The following FREM3 variants were observed in gnomAD, a reference collection of about 807,000 sequenced individuals.
FREM3 encodes the protein FRAS1-related extracellular matrix protein 3.
In FREM3, 105 loss-of-function variants were observed where a neutral mutation model predicts 129.1. That is an observed-to-expected ratio of 0.81 (90% CI 0.69 to 0.96). FREM3 has a LOEUF of 0.96. FREM3 is among the 40% of genes least tolerant of loss of function. The pLI is 0.00. For missense variants in FREM3, 2,593 were observed against 2,666.3 expected (o/e 0.97, Z 0.61); for synonymous variants, 1,014 against 1,044.9 (o/e 0.97, Z 0.57).
chr4:143,624,360 A>G (rs1056149302), intron 3 of FREM3, 22 bp from the exon 4 acceptor site: 15 of 1,437,664 alleles, frequency 1.0e-5, no homozygotes, highest in Non-Finnish European at 1.4e-5. Context: ...TCAGAAAACT[A>G]TAAATATAAA....
At chr4:143,613,090 G>A (rs1299765120) in intron 5 of FREM3, among the ~76,000 whole-genome samples, 3 of 152,186 alleles carry the variant, frequency 2.0e-5, no homozygotes, top group Non-Finnish European at 2.9e-5. Flanking sequence ...GACTTCAGAT[G>A]TTTTGCTCGG....
At chr4:143,650,190 A>G (rs1005583392) in intron 2 of FREM3, among the ~76,000 whole-genome samples, 3 of 152,232 alleles carry the variant, frequency 2.0e-5, no homozygotes, top group African/African-American at 7.2e-5. Flanking sequence ...AAACAAAGGT[A>G]GTAGTGTAGA....
chr4:143,651,497 A>C (rs188585861), intron 2 of FREM3, among the ~76,000 whole-genome samples: 19 of 152,366 alleles, frequency 1.2e-4, no homozygotes, highest in Admixed American at 7.8e-4. Context: ...GGACATGGAA[A>C]TGCACACACG....
intron 2 of FREM3, among the ~76,000 whole-genome samples, chr4:143,667,218 T>C (rs1482516770): frequency 1.3e-5 from 2 of 152,130 alleles, no homozygotes; most frequent in Non-Finnish European, 2.9e-5. Flanking sequence ...TAACAGAAAA[T>C]TTAAATTCAA....
At position 143,697,059 on chromosome 4, in the gene FREM3, C is replaced by T. The variant is rs755932475; in HGVS notation, c.3617G>A (p.Gly1206Glu). The T allele has an allele frequency of 6.5e-7, 1 of 1,537,546 alleles. No individual in the cohort carries two copies. The highest frequency in any genetic ancestry group is 1.2e-5 in the South Asian group (1 of 84,048). Residue 1206 changes from glycine to glutamate, a missense_variant, in exon 1 of 8, where the codon GGG (glycine) becomes GAG (glutamate). Around this residue, in one of 2 missense-constraint regions of FREM3, gnomAD observed 2,276 missense variants for 2,267.2 expected, o/e 1.00. Coordinates refer to ENST00000329798, the MANE Select transcript of FREM3 (RefSeq NM_001168235.2). Reference protein sequence around the residue: ...LFAHEFKVLEGMSLVIDTQLL... With the variant: ...LFAHEFKVLEEMSLVIDTQLL... ...CTGGGTGTCTATGACCAGGCTCATC[C>T]CCTCTAGTACCTTAAACTCATGGGC...
intron 2 of FREM3, among the ~76,000 whole-genome samples, chr4:143,691,945 A>G (rs1740478566): frequency 6.6e-6 from 1 of 152,172 alleles, no homozygotes; most frequent in South Asian, 2.1e-4. Flanking sequence ...TTAGTAACTT[A>G]TGGTTCTTGA....
chr4:143,577,580 T>C lies in FREM3; in HGVS notation c.*31A>G, dbSNP rs1738061509. On this transcript the variant is annotated 3_prime_UTR_variant, in exon 8 of 8. Transcript: ENST00000329798. The stretch of plus-strand genomic sequence containing the variant: ...TTTCATTCTGTTGTTAGGAGACATA[T>C]CTTGGCTGTTTTTTTCCCTCTTAAA... 5.9e-6 allele frequency: 9 copies of C among 1,525,114 alleles called. No homozygotes were observed. In the East Asian group the frequency reaches 1.2e-4, roughly 21 times the overall value. 94.5% of individuals were successfully genotyped at this position (1,525,114 alleles called of 1,614,324 possible).
At chr4:143,650,279 T>C (rs916367758) in intron 2 of FREM3, among the ~76,000 whole-genome samples, 4 of 152,228 alleles carry the variant, frequency 2.6e-5, no homozygotes, top group Non-Finnish European at 4.4e-5. Flanking sequence ...TAGAAGGCAC[T>C]GTAAAAGCAG....
intron 6 of FREM3, among the ~76,000 whole-genome samples, chr4:143,610,019 T>G (rs1401889056): frequency 6.6e-6 from 1 of 152,176 alleles, no homozygotes; most frequent in Non-Finnish European, 1.5e-5. Flanking sequence ...ACTCAAATTA[T>G]TTTAAGAAAA....
chr4:143,627,623 A>T lies in FREM3; in HGVS notation c.5413T>A (p.Ser1805Thr). Reference sequence around the variant, plus strand: ...ATCCAAAGTTACTTACTGATAAATGATGTTTCTCCAAGGTATCCTCTGCGT... The same window carrying T: ...ATCCAAAGTTACTTACTGATAAATGTTGTTTCTCCAAGGTATCCTCTGCGT... ...LTRRGYLGET[S>T]FISIGTKDET... is the part of the protein sequence containing the mutation. The change falls in exon 3 of 8, where the codon TCA becomes ACA. Residue 1805 changes from serine to threonine, a missense_variant. Transcript: ENST00000329798. The T allele has an allele frequency of 6.5e-7, 1 of 1,536,110 alleles. No individual in the cohort carries two copies. The highest frequency in any genetic ancestry group is 8.7e-7 in the Non-Finnish European group (1 of 1,146,036).
rs916901705 is a variant in FREM3 at position 143,653,542 on chromosome 4, T to C, written c.5276-25782A>G. On this transcript the variant is annotated intron_variant, in intron 2 of 7. Transcript: ENST00000329798. The stretch of plus-strand genomic sequence containing the variant: ...GCACACACACACATACACACAGGTA[T>C]GCACATGTGTAAACCTAAACATAGA... 2.6e-5 allele frequency among the ~76,000 whole-genome samples: 4 copies of C among 152,196 alleles called. No homozygotes were observed. The East Asian group carries it at 7.7e-4, about 29-fold the overall frequency.
intron 2 of FREM3, among the ~76,000 whole-genome samples, chr4:143,674,802 T>A (rs1288280199): frequency 6.6e-6 from 1 of 152,152 alleles, no homozygotes; most frequent in Non-Finnish European, 1.5e-5. Flanking sequence ...AGAAGGCCAC[T>A]ACATAATGGT....
At chr4:143,617,086 G>A (rs1254824454) in intron 5 of FREM3, among the ~76,000 whole-genome samples, 1 of 152,156 alleles carries the variant, frequency 6.6e-6, no homozygotes, top group Non-Finnish European at 1.5e-5. Context: ...TAACAAGAGA[G>A]TGACTAATGA....
In FREM3 at chr4:143,697,452, C is replaced by T; in HGVS notation, c.3224G>A (p.Gly1075Glu). The T allele has an allele frequency of 6.5e-7, 1 of 1,537,198 alleles. No individual in the cohort carries two copies. The highest frequency in any genetic ancestry group is 1.2e-5 in the South Asian group (1 of 84,066). ...VDNVGPKVFV[G>E]ESFIVYEGEK... The stretch of plus-strand genomic sequence containing the variant: ...ACCTTCATAGACAATGAAGGACTCC[C>T]CGACGAAGACCTTGGGTCCCACATT... The change falls in exon 1 of 8, where the codon GGG becomes GAG. Residue 1075 changes from glycine (G) to glutamate (E), a missense_variant. This residue lies in a region of FREM3 where 2,276 missense variants were observed against 2,267.2 expected (regional missense o/e 1.00). Coordinates refer to ENST00000329798, the MANE Select transcript of FREM3 (RefSeq NM_001168235.2).
chr4:143,700,466 C>T lies in FREM3; in HGVS notation c.210G>A (p.Arg70=), dbSNP rs1366679297. The T allele has an allele frequency of 6.6e-7, 1 of 1,511,930 alleles. No homozygotes were observed. Among genetic ancestry groups the T allele is most frequent in the Non-Finnish European group, 8.8e-7 (1 of 1,132,340 alleles). The allele number at this position is 1,511,930 out of a possible 1,614,324, so 93.7% of individuals were successfully genotyped here. A position where few individuals can be genotyped will look rare whatever the true frequency, so the allele number is the denominator to read the frequency against. ...GCCAAAGGGAACGACCCAGGGGCAC[C>T]CGGAGTCCAGGGTTGGCAATCAGCA... ...PSVLIANPGL[R]VPLGRSLWLD... Residue 70 remains arginine, a synonymous_variant, in exon 1 of 8, where the codon CGG becomes CGA. Transcript: ENST00000329798.
At position 143,622,403 on chromosome 4, in the gene FREM3, C is replaced by CTT. The variant is rs35835336; in HGVS notation, c.5654-1243_5654-1242dup. Among the ~76,000 whole-genome samples, 311 of 138,838 alleles carry CTT rather than the reference C, an allele frequency of 2.2e-3. 1 individual carries two copies. The highest frequency in any genetic ancestry group is 2.2e-3 in the Non-Finnish European group (141 of 65,310). 91.1% of individuals were successfully genotyped at this position (138,838 alleles called of 152,430 possible). ...GCCACTGCACCCGGCTGGCAATCAT[C>CTT]TTTTTTTTTTTTTTTTTTCCCATTT... On this transcript the variant is annotated intron_variant, in intron 4 of 7. Coordinates refer to ENST00000329798, the MANE Select transcript of FREM3 (RefSeq NM_001168235.2).
chr4:143,581,006 C>T lies in FREM3; in HGVS notation c.6179-3154G>A, dbSNP rs560457019. On this transcript the variant is annotated intron_variant, in intron 7 of 7. Coordinates refer to ENST00000329798, the MANE Select transcript of FREM3 (RefSeq NM_001168235.2). ...CCGCACTTCCTTGGGACAGAGCTCC[C>T]AGAAGTAGCAGTGCCACCATTTTTG... Among the ~76,000 whole-genome samples, 3 of 152,298 alleles carry T rather than the reference C, an allele frequency of 2.0e-5. No individual in the cohort carries two copies. In the South Asian group the frequency reaches 6.2e-4, roughly 32 times the overall value.
At chr4:143,683,672 C>T (rs540485007) in intron 2 of FREM3, among the ~76,000 whole-genome samples, 6 of 152,272 alleles carry the variant, frequency 3.9e-5, no homozygotes, top group South Asian at 4.1e-4. Flanking sequence ...GGCCAGAACC[C>T]GGGGAGGGAG....
At chr4:143,639,726 CA>C (rs1436984974) in intron 2 of FREM3, among the ~76,000 whole-genome samples, 1 of 152,090 alleles carries the variant, frequency 6.6e-6, no homozygotes, top group Non-Finnish European at 1.5e-5. Context: ...AGTGCACTGG[CA>C]AATCTAGAGG....
Sources: allele counts gnomAD v4.1 joint callset (sites outside exome capture counted in the v4.1 genomes callset), GRCh38; gene constraint gnomAD v4.1.1; regional missense constraint gnomAD v4.1.1; transcripts MANE v1.5; gene names NCBI Gene and HGNC (gene_info 2026-07-23, HGNC 2026-07-21).